KCNIP1: variants seen among roughly 807,000 people sequenced by gnomAD.
KCNIP1 encodes potassium voltage-gated channel interacting protein 1, also known as A-type potassium channel modulatory protein KCNIP1.
KCNIP1 carries 18 observed loss-of-function variants against 33.0 expected under a neutral mutation model. The ratio of observed to expected loss-of-function variants is 0.55; its 90% CI spans 0.38 to 0.81. The LOEUF is 0.81. Ranked by LOEUF, KCNIP1 falls within the 30% of genes least tolerant of loss-of-function variation. The pLI, the probability that KCNIP1 is intolerant of heterozygous loss-of-function variation, is 0.00. For missense variants in KCNIP1, 238 were observed against 271.6 expected (o/e 0.88, Z 0.87); for synonymous variants, 93 against 98.3 (o/e 0.95, Z 0.32).
At chr5:170,638,094 G>C (rs1760365465) in intron 1 of KCNIP1, among the ~76,000 whole-genome samples, 1 of 152,150 alleles carries the variant, frequency 6.6e-6, no homozygotes, top group African/African-American at 2.4e-5. Flanking sequence ...CAAGGTTTGA[G>C]ATGCCAGCAA....
At chr5:170,603,059 G>A (rs1027050340) in intron 1 of KCNIP1, among the ~76,000 whole-genome samples, 40 of 152,254 alleles carry the variant, frequency 2.6e-4, no homozygotes, top group African/African-American at 9.6e-4. Context: ...TAAGGCTGGT[G>A]CACACAGCAG....
chr5:170,395,553 A>C (rs933373828), intron 1 of KCNIP1, among the ~76,000 whole-genome samples: 5 of 152,232 alleles, frequency 3.3e-5, no homozygotes, highest in African/African-American at 9.7e-5. Flanking sequence ...CCCCTGAACC[A>C]CACCCATGCC....
intron 1 of KCNIP1, among the ~76,000 whole-genome samples, chr5:170,397,885 A>T (rs1754801831): frequency 6.6e-6 from 1 of 152,182 alleles, no homozygotes; most frequent in African/African-American, 2.4e-5. Context: ...GGACAACTTG[A>T]AGAGGGGGCT....
rs546875356 is a variant in KCNIP1 at position 170,664,928 on chromosome 5, A to G, written c.62-53830A>G. Among the ~76,000 whole-genome samples the G allele has an allele frequency of 7.2e-5, 11 of 152,250 alleles. No homozygotes were observed. The South Asian group carries it at 1.9e-3, about 26-fold the overall frequency. ...ATGGTAAAATTTAGTTGACTCCCGA[A>G]CTAACTGAGTGTCTCACTCAGTGAA... On this transcript the variant is annotated intron_variant, in intron 1 of 7. Coordinates refer to ENST00000328939, the MANE Select transcript of KCNIP1 (RefSeq NM_014592.4).
At chr5:170,395,543 C>T (rs1388097143) in intron 1 of KCNIP1, among the ~76,000 whole-genome samples, 2 of 152,232 alleles carry the variant, frequency 1.3e-5, no homozygotes, top group African/African-American at 2.4e-5. Context: ...TTATTCTCTA[C>T]CCCTGAACCA....
At chr5:170,441,058 G>T (rs961452610) in intron 1 of KCNIP1, among the ~76,000 whole-genome samples, 5 of 152,170 alleles carry the variant, frequency 3.3e-5, no homozygotes, top group Admixed American at 3.3e-4. Flanking sequence ...TGGGTAACAG[G>T]CATGAATTTT....
At chr5:170,726,745 C>CAAAAAAAAAAAAAAAAAAAAAAAA in intron 5 of KCNIP1, among the ~76,000 whole-genome samples, 1 of 56,686 alleles carries the variant, frequency 1.8e-5, no homozygotes, top group African/African-American at 6.9e-5. Context: ...ACTAAAAATA[C>CAAAAAAAAAAAAAAAAAAAAAAAA]AAAAAAAAAA....
intron 1 of KCNIP1, among the ~76,000 whole-genome samples, chr5:170,524,469 T>A (rs1219194673): frequency 1.3e-5 from 2 of 152,334 alleles, no homozygotes; most frequent in South Asian, 2.1e-4. Context: ...ACAAGTCACT[T>A]GGCCCCTCTG....
chr5:170,360,195 C>A (rs1488999011), intron 1 of KCNIP1, among the ~76,000 whole-genome samples: 1 of 152,194 alleles, frequency 6.6e-6, no homozygotes, highest in East Asian at 1.9e-4. Context: ...TCCCCTGGGC[C>A]ATCTCTCTCA....
intron 1 of KCNIP1, among the ~76,000 whole-genome samples, chr5:170,574,428 G>A (rs1757524606): frequency 6.6e-6 from 1 of 152,212 alleles, no homozygotes. Flanking sequence ...GAATTAGCGA[G>A]TGCCAGCAGT....
intron 1 of KCNIP1, among the ~76,000 whole-genome samples, chr5:170,391,418 TAA>T (rs1487648498): frequency 1.3e-5 from 2 of 152,178 alleles, no homozygotes; most frequent in Admixed American, 1.3e-4. Context: ...CTGCTCCCCC[TAA>T]ATGAGCCACA....
At chr5:170,481,934 C>T (rs1756986722) in intron 1 of KCNIP1, among the ~76,000 whole-genome samples, 2 of 152,186 alleles carry the variant, frequency 1.3e-5, no homozygotes, top group Admixed American at 6.5e-5. Flanking sequence ...TCTGAGCCCC[C>T]GTTTCCAAGT....
At chr5:170,575,694 G>A (rs141989477) in intron 1 of KCNIP1, among the ~76,000 whole-genome samples, 2 of 152,210 alleles carry the variant, frequency 1.3e-5, no homozygotes, top group East Asian at 3.9e-4. Flanking sequence ...TACCCCCTCA[G>A]CCCACTTTGC....
At chr5:170,651,900 G>A (rs971567480) in intron 1 of KCNIP1, among the ~76,000 whole-genome samples, 2 of 152,212 alleles carry the variant, frequency 1.3e-5, no homozygotes, top group African/African-American at 4.8e-5. Context: ...ATTTCTGACT[G>A]TAAGGGCACG....
chr5:170,438,538 G>C (rs974395242), intron 1 of KCNIP1, among the ~76,000 whole-genome samples: 5 of 152,030 alleles, frequency 3.3e-5, no homozygotes, highest in Admixed American at 6.5e-5. Flanking sequence ...CCTTTGCAAG[G>C]CTGCTCTTGA....
intron 1 of KCNIP1, among the ~76,000 whole-genome samples, chr5:170,618,920 G>C (rs79113376): frequency 6.6e-6 from 1 of 152,174 alleles, no homozygotes; most frequent in East Asian, 1.9e-4. Context: ...TCTATATGGA[G>C]AGCTGCAGTC....
intron 1 of KCNIP1, among the ~76,000 whole-genome samples, chr5:170,372,681 G>A (rs1000922912): frequency 7.2e-5 from 11 of 152,186 alleles, no homozygotes; most frequent in African/African-American, 2.4e-4. Context: ...ATAAAGTGGA[G>A]AAGCACTAGA....
intron 1 of KCNIP1, among the ~76,000 whole-genome samples, chr5:170,698,931 C>T (rs780689683): frequency 9.2e-5 from 14 of 152,134 alleles, no homozygotes; most frequent in Middle Eastern, 3.4e-3. Flanking sequence ...ATCTCCAAGC[C>T]GGAGGATCTC....
intron 1 of KCNIP1, among the ~76,000 whole-genome samples, chr5:170,365,687 C>G (rs1213193881): frequency 6.6e-6 from 1 of 152,202 alleles, no homozygotes; most frequent in Non-Finnish European, 1.5e-5. Flanking sequence ...CTTGAGGATC[C>G]AGGACTTTCT....
Sources: gnomAD v4.1 joint callset for allele counts (sites outside exome capture counted in the v4.1 genomes callset) on GRCh38, gnomAD v4.1.1 for gene constraint, MANE v1.5 for transcripts, NCBI Gene and HGNC (gene_info 2026-07-23, HGNC 2026-07-21) for gene names.